The following ATP6V1H variants were observed in gnomAD, a reference collection of about 807,000 sequenced individuals.
ATP6V1H encodes V-type proton ATPase subunit H.
In ATP6V1H, 39 loss-of-function variants were observed where a neutral mutation model predicts 71.7. That is an observed-to-expected ratio of 0.54 (90% CI 0.42 to 0.71). The LOEUF (loss-of-function observed/expected upper bound fraction) is 0.71. Ranked by LOEUF, ATP6V1H falls within the 30% of genes least tolerant of loss-of-function variation. The pLI, the probability that ATP6V1H is intolerant of heterozygous loss-of-function variation, is 0.00. For missense variants in ATP6V1H, 509 were observed against 594.9 expected, an observed-to-expected ratio of 0.86 and a Z score of 1.50; for synonymous variants, 192 against 199.3, an observed-to-expected ratio of 0.96 and a Z score of 0.31.
chr8:53,781,002 C>CT (rs1368126768), intron 9 of ATP6V1H, among the ~76,000 whole-genome samples: 1 of 152,146 alleles, frequency 6.6e-6, no homozygotes, highest in Non-Finnish European at 1.5e-5. Flanking sequence ...AATAAACATA[C>CT]GTGTGCATGT....
chr8:53,722,954 A>G (rs1467955180), intron 13 of ATP6V1H, among the ~76,000 whole-genome samples: 1 of 152,258 alleles, frequency 6.6e-6, no homozygotes, highest in Non-Finnish European at 1.5e-5. Flanking sequence ...GTAGAAAGTG[A>G]ATTAAATCAG....
chr8:53,816,610 A>G (rs1487450998), intron 5 of ATP6V1H, among the ~76,000 whole-genome samples: 3 of 152,180 alleles, frequency 2.0e-5, no homozygotes, highest in Non-Finnish European at 2.9e-5. Flanking sequence ...AGCCTGGCCA[A>G]CATGGTGAAA....
chr8:53,759,311 C>A (rs1246961167), intron 11 of ATP6V1H, among the ~76,000 whole-genome samples: 1 of 152,224 alleles, frequency 6.6e-6, no homozygotes, highest in Non-Finnish European at 1.5e-5. Flanking sequence ...ACCTGCTGAG[C>A]ATGCTATTTC....
intron 8 of ATP6V1H, among the ~76,000 whole-genome samples, chr8:53,797,447 C>T (rs545958093): frequency 6.6e-6 from 1 of 152,280 alleles, no homozygotes; most frequent in South Asian, 2.1e-4. Flanking sequence ...CAACTGGCTC[C>T]CCTCCCCAGA....
At chr8:53,774,374 T>C (rs931733290) in intron 9 of ATP6V1H, among the ~76,000 whole-genome samples, 8 of 152,236 alleles carry the variant, frequency 5.3e-5, no homozygotes, top group Admixed American at 5.2e-4. Context: ...AAGTAGAAAG[T>C]ATTCATTTCA....
chr8:53,742,323 T>C (rs1443025120), intron 13 of ATP6V1H, among the ~76,000 whole-genome samples: 1 of 152,136 alleles, frequency 6.6e-6, no homozygotes, highest in African/African-American at 2.4e-5. Flanking sequence ...CACCCCTGAG[T>C]GTCACAACCA....
chr8:53,759,257 T>A (rs1808180123), intron 11 of ATP6V1H, among the ~76,000 whole-genome samples: 1 of 152,246 alleles, frequency 6.6e-6, no homozygotes, highest in East Asian at 1.9e-4. Context: ...GTCCACTGAA[T>A]ATCTTCAGCA....
At chr8:53,749,674 G>A (rs1193042021) in intron 12 of ATP6V1H, among the ~76,000 whole-genome samples, 5 of 151,836 alleles carry the variant, frequency 3.3e-5, no homozygotes, top group Non-Finnish European at 1.5e-5. Flanking sequence ...TATAATGGGA[G>A]GGATTACAAG....
At chr8:53,733,403 C>T (rs1033819345) in intron 13 of ATP6V1H, among the ~76,000 whole-genome samples, 1 of 152,206 alleles carries the variant, frequency 6.6e-6, no homozygotes, top group Non-Finnish European at 1.5e-5. Flanking sequence ...AAAAGTTTCC[C>T]GCCAGAGACC....
intron 12 of ATP6V1H, chr8:53,756,240 T>G: frequency 6.4e-6 from 1 of 156,802 alleles, no homozygotes; most frequent in Non-Finnish European, 1.3e-5. Context: ...CCAGTTAATT[T>G]TTTTCTTTTT....
chr8:53,773,728 A>AT (rs1808760803), intron 9 of ATP6V1H, among the ~76,000 whole-genome samples: 1 of 152,216 alleles, frequency 6.6e-6, no homozygotes, highest in African/African-American at 2.4e-5. Context: ...AATGAACCAG[A>AT]TACTAGAACA....
intron 4 of ATP6V1H, among the ~76,000 whole-genome samples, chr8:53,818,255 C>T: frequency 6.6e-6 from 1 of 152,018 alleles, no homozygotes; most frequent in South Asian, 2.1e-4. Context: ...TCTGATTAAA[C>T]TTTTATTAAT....
chr8:53,765,870 C>T (rs1808442471), intron 11 of ATP6V1H, among the ~76,000 whole-genome samples: 1 of 152,182 alleles, frequency 6.6e-6, no homozygotes, highest in South Asian at 2.1e-4. Context: ...AGAGGACTGA[C>T]ACTACCAACT....
intron 9 of ATP6V1H, among the ~76,000 whole-genome samples, chr8:53,780,186 A>G (rs1324811805): frequency 6.6e-6 from 1 of 151,878 alleles, no homozygotes; most frequent in Non-Finnish European, 1.5e-5. Flanking sequence ...AGACATTATC[A>G]TAACTAATGG....
chr8:53,798,077 G>C lies in ATP6V1H; in HGVS notation c.678-2238C>G, dbSNP rs534059543. 5.9e-5 allele frequency among the ~76,000 whole-genome samples: 9 copies of C among 152,250 alleles called. No homozygotes were observed. The South Asian group carries it at 1.5e-3, about 25-fold the overall frequency. On this transcript the variant is annotated intron_variant, in intron 8 of 13. Transcript: ENST00000359530. Reference sequence around the variant, plus strand: ...AATGTTAACCTTCAGACTTTCTTGTGAGGCTAACAATATATAGCACAATAT... The same window carrying C: ...AATGTTAACCTTCAGACTTTCTTGTCAGGCTAACAATATATAGCACAATAT...
chr8:53,720,538 A>G (rs1463064281), intron 13 of ATP6V1H, among the ~76,000 whole-genome samples: 1 of 152,234 alleles, frequency 6.6e-6, no homozygotes, highest in African/African-American at 2.4e-5. Flanking sequence ...AACAACAGGA[A>G]GACCATTACC....
At chr8:53,721,720 C>A (rs571348832) in intron 13 of ATP6V1H, among the ~76,000 whole-genome samples, 1 of 152,148 alleles carries the variant, frequency 6.6e-6, no homozygotes, top group Admixed American at 6.5e-5. Flanking sequence ...ATTATTCTAC[C>A]TCTCACTGGG....
At chr8:53,832,229 C>T (rs1421417451) in intron 3 of ATP6V1H, 1 of 152,030 alleles carries the variant, frequency 6.6e-6, no homozygotes, top group Non-Finnish European at 1.5e-5. Flanking sequence ...ATTTTATGCA[C>T]AGAAAAATAT....
intron 9 of ATP6V1H, 54 bp downstream of exon 9, chr8:53,795,593 T>C: frequency 1.9e-6 from 3 of 1,548,024 alleles, no homozygotes; most frequent in Non-Finnish European, 2.6e-6. Flanking sequence ...AACTCAAATA[T>C]ACTGCACAGT....
Sources: gnomAD v4.1 joint callset for allele counts (sites outside exome capture counted in the v4.1 genomes callset) on GRCh38, gnomAD v4.1.1 for gene constraint, MANE v1.5 for transcripts, NCBI Gene and HGNC (gene_info 2026-07-23, HGNC 2026-07-21) for gene names.